ALK: variants seen among roughly 807,000 people sequenced by gnomAD.
ALK encodes the protein ALK tyrosine kinase receptor.
A neutral mutation model predicts 163.1 loss-of-function variants in ALK; 74 were observed. That is an observed-to-expected ratio of 0.45 (90% CI 0.38 to 0.55). The LOEUF (loss-of-function observed/expected upper bound fraction) is 0.55, where lower values mean the gene tolerates loss of function less well. Ranked by LOEUF, ALK falls within the 20% of genes least tolerant of loss-of-function variation. ALK has a pLI of 0.00. For synonymous variants in ALK, 960 were observed against 843.2 expected (o/e 1.14, Z -2.40); for missense variants, 2,063 against 2,105.3 (o/e 0.98, Z 0.39).
intron 8 of ALK, among the ~76,000 whole-genome samples, chr2:29,298,868 T>A (rs991388515): frequency 2.0e-5 from 3 of 152,208 alleles, no homozygotes; most frequent in Admixed American, 2.0e-4. Flanking sequence ...CCTTGCTCTT[T>A]TAGTTACTGC....
chr2:29,775,628 TG>T (rs1211305557), intron 1 of ALK, among the ~76,000 whole-genome samples: 1 of 152,206 alleles, frequency 6.6e-6, no homozygotes, highest in Admixed American at 6.5e-5. Context: ...GTTAATCACT[TG>T]GACTCTTCTA....
At position 29,834,693 on chromosome 2, in the gene ALK, T is replaced by C. The variant is rs74973184; in HGVS notation, c.667+85300A>G. On this transcript the variant is annotated intron_variant, in intron 1 of 28. Transcript: ENST00000389048. ...GTATAGAGAGGGGAGATCACAAAAATAGGAGGAAAAGAAAATGAGGGGTAT... is the reference window on the plus strand; with the variant it reads ...GTATAGAGAGGGGAGATCACAAAAACAGGAGGAAAAGAAAATGAGGGGTAT... 2.5e-3 allele frequency among the ~76,000 whole-genome samples: 377 copies of C among 152,066 alleles called. 2 individuals carry two copies. Among genetic ancestry groups the C allele is most frequent in the Non-Finnish European group, 4.8e-3 (328 of 67,970 alleles).
intron 3 of ALK, among the ~76,000 whole-genome samples, chr2:29,642,979 C>G (rs1676747846): frequency 6.6e-6 from 1 of 152,148 alleles, no homozygotes; most frequent in Non-Finnish European, 1.5e-5. Flanking sequence ...CCTCTTTCCT[C>G]TGGGAGCTCA....
At chr2:29,461,275 C>T (rs1245704214) in intron 4 of ALK, among the ~76,000 whole-genome samples, 2 of 152,156 alleles carry the variant, frequency 1.3e-5, no homozygotes, top group Non-Finnish European at 2.9e-5. Flanking sequence ...GAAGCTGCAG[C>T]AAGTTATCTA....
At chr2:29,502,198 C>A (rs1035665410) in intron 4 of ALK, among the ~76,000 whole-genome samples, 11 of 152,162 alleles carry the variant, frequency 7.2e-5, no homozygotes, top group Admixed American at 7.2e-4. Flanking sequence ...CCATGCAGCA[C>A]CCTTAGTAAC....
chr2:29,275,478 G>A lies in ALK; in HGVS notation c.1836C>T (p.Val612=), dbSNP rs752799164. 6.2e-6 allele frequency: 10 copies of A among 1,614,098 alleles called. No individual in the cohort carries two copies. In the East Asian group the frequency reaches 1.1e-4, roughly 18 times the overall value. The change falls in exon 10 of 29, where the codon GTC becomes GTT. Residue 612 remains valine (V), a synonymous_variant. Coordinates refer to ENST00000389048, the MANE Select transcript of ALK (RefSeq NM_004304.5). ...CTCTGGATCCTTGTCCCCACCATGC[G>A]ACCATCTGCAGCCAGAACCTGTACA... ...DVSDRFWLQM[V]AWWGQGSRAI... is the part of the protein sequence containing the mutation.
intron 3 of ALK, among the ~76,000 whole-genome samples, chr2:29,553,011 T>G (rs1173324570): frequency 6.6e-6 from 1 of 152,212 alleles, no homozygotes; most frequent in Admixed American, 6.5e-5. Flanking sequence ...CTTCCTGTTA[T>G]TTCCCTTCTT....
At chr2:29,756,035 C>T (rs2148333881) in intron 1 of ALK, among the ~76,000 whole-genome samples, 1 of 152,368 alleles carries the variant, frequency 6.6e-6, no homozygotes, top group African/African-American at 2.4e-5. Context: ...AAAGCCCGAG[C>T]ACTGAGCGGG....
At chr2:29,236,470 C>T (rs1319997745) in intron 13 of ALK, among the ~76,000 whole-genome samples, 1 of 152,180 alleles carries the variant, frequency 6.6e-6, no homozygotes, top group East Asian at 1.9e-4. Context: ...TGAGTACCTA[C>T]TTTGTGCCAT....
intron 1 of ALK, among the ~76,000 whole-genome samples, chr2:29,802,990 A>C (rs1664524076): frequency 1.3e-5 from 2 of 152,234 alleles, no homozygotes; most frequent in Non-Finnish European, 2.9e-5. Flanking sequence ...GATTTTAAAA[A>C]AATAACAGAA....
chr2:29,472,423 GA>G lies in ALK; in HGVS notation c.1154+59491del, dbSNP rs560626720. Among the ~76,000 whole-genome samples the G allele has an allele frequency of 2.5e-3, 375 of 152,332 alleles. 3 individuals are homozygous for G. The highest frequency in any genetic ancestry group is 8.6e-3 in the African/African-American group (358 of 41,582). ...TTATGCCATTGTAGGAACTGGAACGGAAGGAAACTTCCTCAATCTGACAAAT... is the reference window on the plus strand; with the variant it reads ...TTATGCCATTGTAGGAACTGGAACGGAGGAAACTTCCTCAATCTGACAAAT... On this transcript the variant is annotated intron_variant, in intron 4 of 28. Transcript: ENST00000389048.
At chr2:29,202,948 A>AT (rs974801927) in intron 26 of ALK, among the ~76,000 whole-genome samples, 7 of 152,108 alleles carry the variant, frequency 4.6e-5, no homozygotes, top group Non-Finnish European at 8.8e-5. Flanking sequence ...AGGTCACAGG[A>AT]TGTGTGTGTG....
chr2:29,334,134 G>A lies in ALK; in HGVS notation c.1283-5653C>T, dbSNP rs181315373. 7.1e-4 allele frequency among the ~76,000 whole-genome samples: 108 copies of A among 152,154 alleles called. 1 individual carries two copies. Among genetic ancestry groups the A allele is most frequent in the Non-Finnish European group, 8.4e-4 (57 of 68,004 alleles). ...CCACCTCATCTGTGCCATTTTCATG[G>A]ATTCTCCCCTCCATGAATGTCCCTT... On this transcript the variant is annotated intron_variant, in intron 5 of 28. Transcript: ENST00000389048.
intron 9 of ALK, among the ~76,000 whole-genome samples, chr2:29,279,419 G>A (rs890015933): frequency 1.3e-5 from 2 of 152,194 alleles, no homozygotes; most frequent in African/African-American, 4.8e-5. Context: ...CTGCAGGGAA[G>A]GGACAGTGGG....
chr2:29,900,474 C>G (rs988939227), intron 1 of ALK, among the ~76,000 whole-genome samples: 1 of 152,230 alleles, frequency 6.6e-6, no homozygotes, highest in Non-Finnish European at 1.5e-5. Context: ...CTCCTTAGCC[C>G]CTATTTCCTA....
At chr2:29,459,796 A>T (rs1424529019) in intron 4 of ALK, among the ~76,000 whole-genome samples, 1 of 152,170 alleles carries the variant, frequency 6.6e-6, no homozygotes, top group Non-Finnish European at 1.5e-5. Flanking sequence ...TGTCTAAAAA[A>T]CATTTAGTAA....
At chr2:29,809,013 T>C (rs1664684828) in intron 1 of ALK, among the ~76,000 whole-genome samples, 1 of 152,244 alleles carries the variant, frequency 6.6e-6, no homozygotes, top group Non-Finnish European at 1.5e-5. Flanking sequence ...TCCCAAATCC[T>C]AATGTCTTTC....
chr2:29,624,886 G>T (rs1239772610), intron 3 of ALK, among the ~76,000 whole-genome samples: 1 of 152,212 alleles, frequency 6.6e-6, no homozygotes, highest in African/African-American at 2.4e-5. Context: ...TTCACTGTGG[G>T]CAGAGCCTGG....
chr2:29,849,358 C>T (rs1466628461), intron 1 of ALK, among the ~76,000 whole-genome samples: 1 of 152,208 alleles, frequency 6.6e-6, no homozygotes, highest in African/African-American at 2.4e-5. Context: ...GCAGCTGTGC[C>T]TCAACTTCCC....
Sources: gnomAD v4.1 joint callset for allele counts (sites outside exome capture counted in the v4.1 genomes callset) on GRCh38, gnomAD v4.1.1 for gene constraint, MANE v1.5 for transcripts, NCBI Gene and HGNC (gene_info 2026-07-23, HGNC 2026-07-21) for gene names.